Variants in ASTN2 observed in about 807,000 individuals in gnomAD.
The protein encoded by ASTN2 is astrotactin-2.
ASTN2 carries 54 observed loss-of-function variants against 139.8 expected under a neutral mutation model. The ratio of observed to expected loss-of-function variants is 0.39; its 90% confidence interval spans 0.31 to 0.48. ASTN2 has a LOEUF of 0.48. ASTN2 is among the 20% of genes least tolerant of loss of function. ASTN2 has a pLI of 0.95. For missense variants in ASTN2, 1,565 were observed against 1,725.1 expected (o/e 0.91, Z 1.64); for synonymous variants, 756 against 719.5 (o/e 1.05, Z -0.81).
At chr9:117,031,284 G>A (rs1044690716) in intron 6 of ASTN2, among the ~76,000 whole-genome samples, 13 of 152,148 alleles carry the variant, frequency 8.5e-5, no homozygotes, top group African/African-American at 2.6e-4. Flanking sequence ...GTCCACCGTC[G>A]GTCCTCCCTT....
At chr9:117,238,340 C>A (rs1833107378) in intron 2 of ASTN2, among the ~76,000 whole-genome samples, 1 of 152,194 alleles carries the variant, frequency 6.6e-6, no homozygotes, top group Non-Finnish European at 1.5e-5. Context: ...GTAACCGAGA[C>A]AGAATTCAAA....
In ASTN2 at chr9:116,618,355, C is replaced by T; in HGVS notation, c.3324G>A (p.Val1108=). ...ACAGGTCAGTGTCTGTGTATTCATC[C>T]ACTTTCTTATGCTGCAGAATATAGT... ...VSDYILQHKK[V]DEYTDTDLYT... Residue 1108 remains valine (V), a synonymous_variant, in exon 19 of 23, where the codon GTG becomes GTA. Transcript: ENST00000313400. 2.5e-6 allele frequency: 4 copies of T among 1,614,110 alleles called. No individual in the cohort carries two copies. The highest frequency in any genetic ancestry group is 3.4e-6 in the Non-Finnish European group (4 of 1,179,976).
intron 1 of ASTN2, among the ~76,000 whole-genome samples, chr9:117,341,579 C>G (rs960017866): frequency 1.3e-5 from 2 of 152,200 alleles, no homozygotes; most frequent in African/African-American, 4.8e-5. Context: ...TTTCCTTAAA[C>G]AGCAAAGTGG....
At chr9:116,646,990 G>T (rs957205624) in intron 17 of ASTN2, among the ~76,000 whole-genome samples, 2 of 152,112 alleles carry the variant, frequency 1.3e-5, no homozygotes, top group African/African-American at 2.4e-5. Context: ...CATTCTTCAG[G>T]TGTTTGCAGA....
rs117213262 is a variant in ASTN2, at chr9:117,377,948, G to T, written c.442+36549C>A. On this transcript the variant is annotated intron_variant, in intron 1 of 22. Coordinates refer to ENST00000313400, the MANE Select transcript of ASTN2 (RefSeq NM_001365068.1). ...GCTATAATTAAAGAGAAAAATAAGT[G>T]AGAAGAATAAACACCCGTTACCAGT... Among the ~76,000 whole-genome samples the T allele has an allele frequency of 5.8e-3, 886 of 152,250 alleles. 6 individuals are homozygous for T. The highest frequency in any genetic ancestry group is 8.4e-3 in the Non-Finnish European group (571 of 68,010).
chr9:116,600,980 T>C (rs1484356142), intron 19 of ASTN2, among the ~76,000 whole-genome samples: 4 of 152,100 alleles, frequency 2.6e-5, no homozygotes, highest in Admixed American at 2.6e-4. Flanking sequence ...AAGATAAATA[T>C]AACAACACTT....
intron 3 of ASTN2, among the ~76,000 whole-genome samples, chr9:117,144,335 C>T (rs74868032): frequency 1.3e-5 from 2 of 152,086 alleles, no homozygotes; most frequent in Non-Finnish European, 2.9e-5. Flanking sequence ...ATCTGAAATC[C>T]GAAATGTTCC....
chr9:116,860,161 T>C (rs1362132850), intron 11 of ASTN2, among the ~76,000 whole-genome samples: 1 of 152,144 alleles, frequency 6.6e-6, no homozygotes, highest in Non-Finnish European at 1.5e-5. Flanking sequence ...TACAGGTACA[T>C]TGGCCCTTTG....
intron 19 of ASTN2, among the ~76,000 whole-genome samples, chr9:116,532,460 G>A (rs1383369664): frequency 6.6e-6 from 1 of 152,108 alleles, no homozygotes; most frequent in East Asian, 1.9e-4. Context: ...GAATGGTATT[G>A]CCTAGGATTT....
At chr9:117,160,765 C>T (rs1830532347) in intron 3 of ASTN2, among the ~76,000 whole-genome samples, 1 of 151,916 alleles carries the variant, frequency 6.6e-6, no homozygotes, top group Non-Finnish European at 1.5e-5. Flanking sequence ...TATAAATATC[C>T]TGTATATGTA....
At chr9:117,169,638 C>T (rs1317954480) in intron 3 of ASTN2, among the ~76,000 whole-genome samples, 3 of 152,066 alleles carry the variant, frequency 2.0e-5, no homozygotes, top group African/African-American at 7.2e-5. Context: ...TGCCAACACA[C>T]GCTTTCAAAC....
At chr9:116,569,701 A>C (rs1309366318) in intron 19 of ASTN2, among the ~76,000 whole-genome samples, 4 of 152,180 alleles carry the variant, frequency 2.6e-5, no homozygotes, top group Non-Finnish European at 5.9e-5. Flanking sequence ...GAGATCCCTG[A>C]CACCTGGCTC....
chr9:116,934,633 G>A (rs117840534), intron 10 of ASTN2, among the ~76,000 whole-genome samples: 3,656 of 152,134 alleles, frequency 0.024, 61 homozygotes, highest in Middle Eastern at 0.058. Flanking sequence ...AGGTGGGAGG[G>A]GGGAAGAGGA....
At chr9:116,892,563 C>T (rs1193298231) in intron 10 of ASTN2, among the ~76,000 whole-genome samples, 2 of 151,472 alleles carry the variant, frequency 1.3e-5, no homozygotes, top group African/African-American at 2.4e-5. Flanking sequence ...AAGCTGGTCC[C>T]GGTCAGATTG....
chr9:116,640,324 A>T (rs1857267530), intron 17 of ASTN2, among the ~76,000 whole-genome samples: 1 of 152,226 alleles, frequency 6.6e-6, no homozygotes, highest in Non-Finnish European at 1.5e-5. Flanking sequence ...AATTTGGAAG[A>T]GGAGGAGACA....
chr9:117,112,774 T>G (rs530079767), intron 4 of ASTN2, among the ~76,000 whole-genome samples: 2 of 151,854 alleles, frequency 1.3e-5, no homozygotes, highest in Non-Finnish European at 2.9e-5. Context: ...TTTAGAAAAA[T>G]GAAAGATCTT....
At chr9:116,555,824 C>T (rs907450022) in intron 19 of ASTN2, among the ~76,000 whole-genome samples, 2 of 152,082 alleles carry the variant, frequency 1.3e-5, no homozygotes, top group Non-Finnish European at 2.9e-5. Context: ...GGATAGGCCT[C>T]GGGGTGCAGA....
At chr9:116,595,976 C>G (rs1854555199) in intron 19 of ASTN2, among the ~76,000 whole-genome samples, 1 of 152,086 alleles carries the variant, frequency 6.6e-6, no homozygotes, top group Non-Finnish European at 1.5e-5. Flanking sequence ...ATATCTGTAC[C>G]CCCGTGCTCA....
At chr9:117,287,788 A>G (rs1834487050) in intron 2 of ASTN2, among the ~76,000 whole-genome samples, 1 of 152,222 alleles carries the variant, frequency 6.6e-6, no homozygotes, top group African/African-American at 2.4e-5. Context: ...CATTGCTTCA[A>G]TGACAATATT....
Sources: allele counts gnomAD v4.1 joint callset (sites outside exome capture counted in the v4.1 genomes callset), GRCh38; gene constraint gnomAD v4.1.1; transcripts MANE v1.5; gene names NCBI Gene and HGNC (gene_info 2026-07-23, HGNC 2026-07-21).